GLIS3: variants seen among roughly 807,000 people sequenced by gnomAD.
GLIS3 encodes the protein GLIS family zinc finger 3.
GLIS3 carries 53 observed loss-of-function variants against 78.6 expected under a neutral mutation model. The ratio of observed to expected loss-of-function variants is 0.67; its 90% CI spans 0.54 to 0.85. GLIS3 has a LOEUF of 0.85. Among genes scored for constraint, GLIS3 ranks in the 40% least tolerant of loss-of-function variants. The pLI, the probability that GLIS3 is intolerant of heterozygous loss-of-function variation, is 0.00. For synonymous variants in GLIS3, 684 were observed against 509.9 expected, an observed-to-expected ratio of 1.34 and a Z score of -4.60; for missense variants, 1,703 against 1,231.1, an observed-to-expected ratio of 1.38 and a Z score of -5.74.
At chr9:4,374,307 G>A in the GLIS3 span, among the ~76,000 whole-genome samples, 1 of 152,104 alleles carries the variant, frequency 6.6e-6, no homozygotes, top group Non-Finnish European at 1.5e-5. Flanking sequence ...CTTACTCCCT[G>A]CTTTATCTAT....
chr9:3,930,253 C>T (rs1392171611), intron 6 of GLIS3, among the ~76,000 whole-genome samples: 1 of 152,100 alleles, frequency 6.6e-6, no homozygotes, highest in Non-Finnish European at 1.5e-5. Context: ...CAATGAAATC[C>T]AATTCAACCA....
intron 2 of GLIS3, among the ~76,000 whole-genome samples, chr9:4,226,166 C>G (rs1821750846): frequency 6.6e-6 from 1 of 152,128 alleles, no homozygotes; most frequent in Non-Finnish European, 1.5e-5. Flanking sequence ...CTCTTCTCAA[C>G]AGATAACGTA....
At chr9:4,088,925 C>T (rs1829266149) in intron 4 of GLIS3, among the ~76,000 whole-genome samples, 1 of 152,170 alleles carries the variant, frequency 6.6e-6, no homozygotes, top group South Asian at 2.1e-4. Flanking sequence ...TGTCTTCATT[C>T]CTCGAGAAAA....
the GLIS3 span, among the ~76,000 whole-genome samples, chr9:4,359,985 T>C: frequency 6.6e-6 from 1 of 151,598 alleles, no homozygotes; most frequent in Admixed American, 6.6e-5. Context: ...TATATACATA[T>C]AATGTATTTT....
the GLIS3 span, among the ~76,000 whole-genome samples, chr9:4,465,240 C>T: frequency 2.2e-3 from 329 of 152,312 alleles, 8 homozygotes; most frequent in East Asian, 0.059. Flanking sequence ...ACATTGCATA[C>T]ATTCTTAGTC....
intron 4 of GLIS3, among the ~76,000 whole-genome samples, chr9:4,112,114 AT>A (rs1318275466): frequency 6.6e-6 from 1 of 152,162 alleles, no homozygotes; most frequent in East Asian, 1.9e-4. Flanking sequence ...CCACTGCCAA[AT>A]CAAGGAGGCA....
chr9:4,335,227 C>T (rs1033692421), intron 2 of GLIS3, among the ~76,000 whole-genome samples: 1 of 152,110 alleles, frequency 6.6e-6, no homozygotes, highest in African/African-American at 2.4e-5. Context: ...CTCATTTTTA[C>T]TGAGCATCTT....
the GLIS3 span, among the ~76,000 whole-genome samples, chr9:4,462,648 C>CTG: frequency 6.8e-6 from 1 of 148,036 alleles, no homozygotes; most frequent in Non-Finnish European, 1.5e-5. Context: ...CGCACACACA[C>CTG]ACACACACAC....
At chr9:4,070,506 T>TTG (rs139606508) in intron 4 of GLIS3, among the ~76,000 whole-genome samples, 2 of 151,248 alleles carry the variant, frequency 1.3e-5, no homozygotes, top group Non-Finnish European at 2.9e-5. Flanking sequence ...GCGTAAGTAT[T>TTG]TGTGTGTGTG....
intron 6 of GLIS3, among the ~76,000 whole-genome samples, chr9:3,906,808 T>G (rs963912644): frequency 6.6e-6 from 1 of 152,214 alleles, no homozygotes; most frequent in Non-Finnish European, 1.5e-5. Flanking sequence ...GCTAAGACAT[T>G]AAGCACCTCC....
At chr9:3,865,489 T>C (rs763708820) in intron 8 of GLIS3, among the ~76,000 whole-genome samples, 1 of 152,226 alleles carries the variant, frequency 6.6e-6, no homozygotes, top group Admixed American at 6.5e-5. Flanking sequence ...GCTTTGAGAA[T>C]TCTGACTATA....
chr9:4,211,322 C>G (rs1005906246), intron 2 of GLIS3, among the ~76,000 whole-genome samples: 1 of 152,202 alleles, frequency 6.6e-6, no homozygotes, highest in African/African-American at 2.4e-5. Flanking sequence ...GGATGGCTGT[C>G]AACAGTGGGT....
Position 4,262,103 on chromosome 9 carries a change from C to G in GLIS3, c.388+23935G>C, listed in dbSNP as rs572826296. Among the ~76,000 whole-genome samples, 807 of 152,178 alleles carry G rather than the reference C, an allele frequency of 5.3e-3. 9 individuals carry two copies. The highest frequency in any genetic ancestry group is 8.0e-3 in the Non-Finnish European group (544 of 68,024). Reference sequence around the variant, plus strand: ...GTCTAGTCCAAACAGTCTCCTTAACCATGTGTCTGAACTATGTGACTGAAG... The same window carrying G: ...GTCTAGTCCAAACAGTCTCCTTAACGATGTGTCTGAACTATGTGACTGAAG... On this transcript the variant is annotated intron_variant, in intron 2 of 10. Transcript: ENST00000381971.
chr9:4,202,436 T>G (rs1395883384), intron 2 of GLIS3, among the ~76,000 whole-genome samples: 14 of 35,738 alleles, frequency 3.9e-4, no homozygotes, highest in Non-Finnish European at 2.1e-4. Context: ...AAAAATAAAA[T>G]AAAATAAAAT....
intron 4 of GLIS3, among the ~76,000 whole-genome samples, chr9:3,985,609 T>C (rs2129674982): frequency 6.6e-6 from 1 of 152,338 alleles, no homozygotes; most frequent in Non-Finnish European, 1.5e-5. Flanking sequence ...ATTGTGTAGA[T>C]ATACAACAGC....
chr9:3,978,068 G>A (rs1194457434), intron 4 of GLIS3, among the ~76,000 whole-genome samples: 1 of 152,100 alleles, frequency 6.6e-6, no homozygotes, highest in Non-Finnish European at 1.5e-5. Flanking sequence ...AGCTCCCAGA[G>A]AATGAAGGGA....
intron 1 of GLIS3, among the ~76,000 whole-genome samples, chr9:4,289,676 CAAG>C (rs746198846): frequency 3.9e-5 from 6 of 151,946 alleles, no homozygotes; most frequent in Non-Finnish European, 8.8e-5. Context: ...ACAAAAGAAA[CAAG>C]AAAAAGAAAA....
chr9:4,049,435 T>C (rs185475259), intron 4 of GLIS3, among the ~76,000 whole-genome samples: 16 of 152,302 alleles, frequency 1.1e-4, no homozygotes, highest in Non-Finnish European at 1.5e-4. Context: ...CCATTCCAAT[T>C]GGTCAGTGCC....
chr9:4,074,764 C>G (rs1374192682), intron 4 of GLIS3, among the ~76,000 whole-genome samples: 1 of 152,186 alleles, frequency 6.6e-6, no homozygotes, highest in African/African-American at 2.4e-5. Flanking sequence ...GCCTCCTGGT[C>G]TCAGCCATCT....
Sources: gnomAD v4.1 joint callset for allele counts (sites outside exome capture counted in the v4.1 genomes callset) on GRCh38, gnomAD v4.1.1 for gene constraint, MANE v1.5 for transcripts, NCBI Gene and HGNC (gene_info 2026-07-23, HGNC 2026-07-21) for gene names.